ZFR2: variants seen among roughly 807,000 people sequenced by gnomAD.
ZFR2 encodes zinc finger RNA binding protein 2, also known as zinc finger RNA-binding protein 2.
A neutral mutation model predicts 105.7 loss-of-function variants in ZFR2; 104 were observed. The observed-to-expected ratio is 0.98, with a 90% confidence interval of 0.84 to 1.16. The LOEUF is 1.16. Ranked by LOEUF, ZFR2 falls within the 50% of genes most tolerant of loss-of-function variation. The probability of loss-of-function intolerance (pLI) is 0.00; values close to 1 mark genes in which losing one functional copy is unlikely to be tolerated. For synonymous variants in ZFR2, 634 were observed against 597.7 expected (o/e 1.06, Z -0.89); for missense variants, 1,425 against 1,355.5 (o/e 1.05, Z -0.80).
At chr19:3,814,087 G>T in intron 13 of ZFR2, 129 bp from the exon 14 acceptor site, 1 of 1,392,994 alleles carries the variant, frequency 7.2e-7, no homozygotes, top group Non-Finnish European at 9.7e-7. Flanking sequence ...CTGGGTGCCG[G>T]GCCCTGTGCC....
intron 1 of ZFR2, among the ~76,000 whole-genome samples, chr19:3,854,040 C>T (rs2145185158): frequency 6.6e-6 from 1 of 152,068 alleles, no homozygotes; most frequent in South Asian, 2.1e-4. Flanking sequence ...GCTTTGATCA[C>T]ACCACTGCAC....
intron 13 of ZFR2, among the ~76,000 whole-genome samples, chr19:3,815,900 C>T (rs1399051980): frequency 1.3e-5 from 2 of 151,620 alleles, no homozygotes; most frequent in Non-Finnish European, 2.9e-5. Context: ...TACAGGCGCC[C>T]GCCACCACGC....
intron 1 of ZFR2, among the ~76,000 whole-genome samples, chr19:3,853,239 G>C (rs1033225822): frequency 1.3e-5 from 2 of 152,216 alleles, no homozygotes; most frequent in African/African-American, 4.8e-5. Context: ...AGATGCGACA[G>C]GGAGAGGCCC....
At chr19:3,810,257 C>T (rs1002261891) in intron 16 of ZFR2, among the ~76,000 whole-genome samples, 5 of 152,150 alleles carry the variant, frequency 3.3e-5, no homozygotes, top group Non-Finnish European at 5.9e-5. Flanking sequence ...CCGTGGGGAG[C>T]GTGGGCATGG....
rs192779979 is a variant in ZFR2 at position 3,816,447 on chromosome 19, T to C, written c.2103+227A>G. On this transcript the variant is annotated intron_variant, in intron 13 of 18. Coordinates refer to ENST00000262961, the MANE Select transcript of ZFR2 (RefSeq NM_015174.2). ...TTTTAGTAGAGACGGTGTTTCACCA[T>C]GTTGGCCAGGCTGGTTTCAAACTCC... 1.1e-3 allele frequency among the ~76,000 whole-genome samples: 161 copies of C among 152,034 alleles called. 1 individual carries two copies. The East Asian group carries it at 0.018, about 17-fold the overall frequency.
intron 5 of ZFR2, among the ~76,000 whole-genome samples, chr19:3,829,688 T>A (rs931777201): frequency 2.0e-5 from 3 of 151,950 alleles, no homozygotes; most frequent in Non-Finnish European, 4.4e-5. Context: ...AATTTTTAAA[T>A]TTTTTTTAGA....
At chr19:3,867,918 C>T (rs1157310910) in intron 1 of ZFR2, among the ~76,000 whole-genome samples, 2 of 151,374 alleles carry the variant, frequency 1.3e-5, no homozygotes, top group Non-Finnish European at 2.9e-5. Context: ...CTGCTAGGTA[C>T]CCTCCCAGGT....
At chr19:3,848,284 C>T (rs190687312) in intron 1 of ZFR2, among the ~76,000 whole-genome samples, 10 of 152,184 alleles carry the variant, frequency 6.6e-5, no homozygotes, top group African/African-American at 9.6e-5. Context: ...TGGTGGCGGG[C>T]GCCCGTAATC....
chr19:3,819,388 G>A (rs564643030), intron 11 of ZFR2, among the ~76,000 whole-genome samples, 153 bp from the exon 12 acceptor site: 12 of 152,322 alleles, frequency 7.9e-5, no homozygotes, highest in East Asian at 1.9e-4. Flanking sequence ...AGAGAGCCCC[G>A]GGGTGGGGAA....
In ZFR2 at chr19:3,806,199, G is replaced by C. The variant is rs939455768; in HGVS notation, c.2644-74C>G. The C allele has an allele frequency of 1.2e-5, 17 of 1,377,892 alleles. No homozygotes were observed. In the Admixed American group the frequency reaches 5.7e-4, roughly 46 times the overall value. The allele number at this position is 1,377,892 out of a possible 1,614,324, so 85.4% of individuals were successfully genotyped here. A position where few individuals can be genotyped will look rare whatever the true frequency, so the allele number is the denominator to read the frequency against. The stretch of plus-strand genomic sequence containing the variant: ...GAGTGCTGGGGACACAGAGGGGCTG[G>C]TGTCTGTGGCCACCAGCAGATGGGC... On this transcript the variant is annotated intron_variant, in intron 18 of 18. Transcript: ENST00000262961.
intron 1 of ZFR2, among the ~76,000 whole-genome samples, chr19:3,859,649 C>T (rs897724318): frequency 1.3e-5 from 2 of 152,216 alleles, no homozygotes; most frequent in Non-Finnish European, 2.9e-5. Context: ...CCTCAGGGGC[C>T]AGAGAGACAA....
At chr19:3,809,051 C>T in intron 16 of ZFR2, 68 bp from the exon 17 acceptor site, 2 of 1,224,830 alleles carry the variant, frequency 1.6e-6, no homozygotes, top group Non-Finnish European at 2.2e-6. Flanking sequence ...CCGGGAGGTC[C>T]TGGGGTCCCT....
At chr19:3,830,348 A>G (rs998083565) in intron 5 of ZFR2, among the ~76,000 whole-genome samples, 4 of 152,198 alleles carry the variant, frequency 2.6e-5, no homozygotes, top group African/African-American at 9.6e-5. Context: ...TGAGGGGAGG[A>G]TCACTTGAAC....
At chr19:3,856,932 G>A (rs2038309649) in intron 1 of ZFR2, 1 of 152,022 alleles carries the variant, frequency 6.6e-6, no homozygotes, top group Admixed American at 6.6e-5. Flanking sequence ...GTTTCACCAT[G>A]TTGGCCAGGC....
rs376807852 is a variant in ZFR2, at chr19:3,820,311, A to G, written c.1632-21T>C. On this transcript the variant is annotated intron_variant, in intron 10 of 18. Transcript: ENST00000262961. ...GCCGCCTGCAGGACCGAGACGTGAC[A>G]GAGCATGGTCAGGCCAGCAGTGGCC... is the stretch of plus-strand genomic sequence containing the variant. 4.9e-5 allele frequency: 75 copies of G among 1,535,840 alleles called. No homozygotes were observed. The African/African-American group carries it at 9.5e-4, about 19-fold the overall frequency.
chr19:3,830,555 G>A (rs569122695), intron 5 of ZFR2, among the ~76,000 whole-genome samples: 1 of 152,266 alleles, frequency 6.6e-6, no homozygotes, highest in East Asian at 1.9e-4. Flanking sequence ...GGGTGATCTG[G>A]GGCGGGAGGG....
intron 8 of ZFR2, among the ~76,000 whole-genome samples, chr19:3,822,702 C>A (rs987767530): frequency 3.3e-5 from 5 of 152,096 alleles, no homozygotes; most frequent in Non-Finnish European, 5.9e-5. Context: ...GGTGACACAG[C>A]AAGACCCTTT....
At chr19:3,818,831 A>C (rs551211553) in intron 12 of ZFR2, among the ~76,000 whole-genome samples, 1 of 152,256 alleles carries the variant, frequency 6.6e-6, no homozygotes, top group Non-Finnish European at 1.5e-5. Flanking sequence ...TTAGAACAGC[A>C]CGGATCACCC....
intron 3 of ZFR2, among the ~76,000 whole-genome samples, chr19:3,832,628 G>GTTT (rs112247869): frequency 1.4e-5 from 2 of 143,448 alleles, no homozygotes; most frequent in Admixed American, 6.9e-5. Context: ...CCTTTATTTT[G>GTTT]TTTTTTTTTT....
Sources: gnomAD v4.1 joint callset for allele counts (sites outside exome capture counted in the v4.1 genomes callset) on GRCh38, gnomAD v4.1.1 for gene constraint, MANE v1.5 for transcripts, NCBI Gene and HGNC (gene_info 2026-07-23, HGNC 2026-07-21) for gene names.